Variants in RBM20 observed in about 807,000 individuals in gnomAD.
RBM20 encodes the protein RNA binding motif protein 20, also known as RNA-binding protein 20.
A neutral mutation model predicts 110.1 loss-of-function variants in RBM20; 51 were observed. The observed-to-expected ratio is 0.46, with a 90% CI of 0.37 to 0.59. RBM20 has a LOEUF of 0.59. Among genes scored for constraint, RBM20 ranks in the 20% least tolerant of loss-of-function variants. The pLI is 0.00. For missense variants in RBM20, 1,512 were observed against 1,574.9 expected, an observed-to-expected ratio of 0.96 and a Z score of 0.68; for synonymous variants, 589 against 618.2, an observed-to-expected ratio of 0.95 and a Z score of 0.70.
intron 1 of RBM20, among the ~76,000 whole-genome samples, chr10:110,738,221 CAG>C (rs573162969): frequency 6.6e-6 from 1 of 152,098 alleles, no homozygotes; most frequent in Admixed American, 6.5e-5. Context: ...TAAAGAAAAA[CAG>C]AGAGAGAGTT....
chr10:110,801,701 T>TTTA (rs1844627223), intron 7 of RBM20, among the ~76,000 whole-genome samples: 2 of 11,246 alleles, frequency 1.8e-4, no homozygotes, highest in Non-Finnish European at 3.5e-4. Flanking sequence ...GCCTGGCTAC[T>TTTA]TTTTTTTTTT....
intron 9 of RBM20, among the ~76,000 whole-genome samples, chr10:110,814,287 T>C (rs1290494511): frequency 6.6e-6 from 1 of 152,204 alleles, no homozygotes; most frequent in East Asian, 1.9e-4. Flanking sequence ...ATAGTCCATG[T>C]TACAGCAGAG....
intron 1 of RBM20, among the ~76,000 whole-genome samples, chr10:110,675,881 G>A (rs1862331316): frequency 6.6e-6 from 1 of 152,216 alleles, no homozygotes; most frequent in Non-Finnish European, 1.5e-5. Flanking sequence ...TTAGCAGAAT[G>A]CCTAGCAGAG....
At chr10:110,771,343 G>C (rs1844186472) in intron 1 of RBM20, among the ~76,000 whole-genome samples, 1 of 152,094 alleles carries the variant, frequency 6.6e-6, no homozygotes, top group Non-Finnish European at 1.5e-5. Context: ...TGGTCAGGCT[G>C]GTCTAGAACT....
rs139619708 is a variant in RBM20, at chr10:110,650,755, A to G, written c.191+6110A>G. 3.3e-3 allele frequency among the ~76,000 whole-genome samples: 505 copies of G among 152,280 alleles called. 2 individuals carry two copies. Among genetic ancestry groups the G allele is most frequent in the African/African-American group, 0.012 (491 of 41,556 alleles). On this transcript the variant is annotated intron_variant, in intron 1 of 13. Transcript: ENST00000369519. ...ATCTTAAATACTTTTTGGTTTTGCA[A>G]CTTGTCTGTGGACTCCTTCCCGAAT... is the stretch of plus-strand genomic sequence containing the variant.
chr10:110,783,277 T>C, intron 2 of RBM20, 89 bp from the exon 3 acceptor site: 1 of 1,001,738 alleles, frequency 1.0e-6, no homozygotes, highest in East Asian at 2.7e-5. Context: ...CGCTCTGTGC[T>C]CCCTGCCTGA....
chr10:110,758,933 G>T (rs1843957533), intron 1 of RBM20, among the ~76,000 whole-genome samples: 1 of 152,134 alleles, frequency 6.6e-6, no homozygotes, highest in Admixed American at 6.5e-5. Flanking sequence ...GAGCAAATCT[G>T]GAAAATTTAA....
chr10:110,779,464 A>G (rs532757723), intron 1 of RBM20, among the ~76,000 whole-genome samples: 1 of 152,188 alleles, frequency 6.6e-6, no homozygotes, highest in African/African-American at 2.4e-5. Context: ...ATCCTTTGTC[A>G]TATATCCTTT....
chr10:110,800,677 C>T (rs778635739), intron 7 of RBM20, among the ~76,000 whole-genome samples: 10 of 152,216 alleles, frequency 6.6e-5, no homozygotes, highest in Non-Finnish European at 1.3e-4. Context: ...ACTCTCCTGA[C>T]TTCAATGATA....
chr10:110,643,818 G>T (rs546077829), upstream of RBM20, among the ~76,000 whole-genome samples: 1 of 152,298 alleles, frequency 6.6e-6, no homozygotes, highest in South Asian at 2.1e-4. Flanking sequence ...TCAGGGTCGG[G>T]TGCCTCAAGA....
At chr10:110,777,764 C>T (rs562020236) in intron 1 of RBM20, among the ~76,000 whole-genome samples, 1 of 152,300 alleles carries the variant, frequency 6.6e-6, no homozygotes, top group Non-Finnish European at 1.5e-5. Context: ...GAGCTCCCTC[C>T]TGCCCAGAAT....
chr10:110,664,997 T>C (rs1862156212), intron 1 of RBM20, among the ~76,000 whole-genome samples: 1 of 151,390 alleles, frequency 6.6e-6, no homozygotes, highest in Admixed American at 6.6e-5. Context: ...CACCTCAGCC[T>C]CCTGAGTATC....
At chr10:110,738,807 TA>T (rs1843698531) in intron 1 of RBM20, among the ~76,000 whole-genome samples, 1 of 151,858 alleles carries the variant, frequency 6.6e-6, no homozygotes, top group Admixed American at 6.6e-5. Context: ...GGAATGGGGA[TA>T]GAGGAGGTGG....
intron 1 of RBM20, among the ~76,000 whole-genome samples, chr10:110,656,676 A>G (rs917909509): frequency 6.6e-6 from 1 of 152,102 alleles, no homozygotes; most frequent in East Asian, 1.9e-4. Flanking sequence ...TTCCATCCCT[A>G]TGGATTTGCC....
intron 9 of RBM20, among the ~76,000 whole-genome samples, chr10:110,819,795 C>T (rs1844885051): frequency 6.6e-6 from 1 of 152,184 alleles, no homozygotes; most frequent in African/African-American, 2.4e-5. Context: ...TATTTCTGCC[C>T]CCTAAAGACA....
At chr10:110,714,298 T>G (rs149581136) in intron 1 of RBM20, among the ~76,000 whole-genome samples, 1 of 152,120 alleles carries the variant, frequency 6.6e-6, no homozygotes, top group African/African-American at 2.4e-5. Context: ...TGGAGGTCAA[T>G]GAAAAGGTTG....
Position 110,781,608 on chromosome 10 carries a change from C to G in RBM20, c.999C>G (p.Leu333=), listed in dbSNP as rs1284279454. Residue 333 remains leucine, a synonymous_variant, in exon 2 of 14, where the codon CTC becomes CTG. Coordinates refer to ENST00000369519, the MANE Select transcript of RBM20 (RefSeq NM_001134363.3). ...HGFSGQSKPD[L]TAGPMWPPPH... ...TCTCGGGCCAAAGCAAGCCTGATCT[C>G]ACAGCAGGTCCCATGTGGCCTCCAC... The G allele has an allele frequency of 1.5e-5, 24 of 1,551,178 alleles. No individual in the cohort carries two copies. The highest frequency in any genetic ancestry group is 2.1e-5 in the Non-Finnish European group (24 of 1,146,552).
Position 110,823,595 on chromosome 10 carries a change from T to A in RBM20, c.3432T>A (p.Ser1144Arg). Reference sequence around the variant, plus strand: ...CTTGGGAACCAGAGGATGTGTTCAGTGAACTTAGCATTCCTCTAGGTAAGC... The same window carrying A: ...CTTGGGAACCAGAGGATGTGTTCAGAGAACTTAGCATTCCTCTAGGTAAGC... ...LPSWEPEDVFSELSIPLGVEF... is the reference protein window; with the variant it reads ...LPSWEPEDVFRELSIPLGVEF... Residue 1144 changes from serine to arginine, a missense_variant, in exon 12 of 14, where the codon AGT (serine) becomes AGA (arginine). Physicochemically the swap from Ser to Arg is moderately radical, Grantham distance 110. Coordinates refer to ENST00000369519, the MANE Select transcript of RBM20 (RefSeq NM_001134363.3). The A allele has an allele frequency of 6.4e-7, 1 of 1,551,704 alleles. No homozygotes were observed. Among genetic ancestry groups the A allele is most frequent in the Non-Finnish European group, 8.7e-7 (1 of 1,146,992 alleles).
chr10:110,647,050 C>T (rs1241930218), intron 1 of RBM20, among the ~76,000 whole-genome samples: 1 of 152,134 alleles, frequency 6.6e-6, no homozygotes, highest in Non-Finnish European at 1.5e-5. Flanking sequence ...TTGCATAGTG[C>T]GTTTGAAGAT....
Sources: allele counts gnomAD v4.1 joint callset (sites outside exome capture counted in the v4.1 genomes callset), GRCh38; gene constraint gnomAD v4.1.1; transcripts MANE v1.5; gene names NCBI Gene and HGNC (gene_info 2026-07-23, HGNC 2026-07-21).